Variants in MCUB observed in about 807,000 individuals in gnomAD.
MCUB encodes calcium uniporter regulatory subunit MCUb, mitochondrial.
In MCUB, 46 loss-of-function variants were observed where a neutral mutation model predicts 41.4. That is an observed-to-expected ratio of 1.11 (90% CI 0.88 to 1.42). MCUB has a LOEUF of 1.42. Among genes scored for constraint, MCUB ranks in the 40% most tolerant of loss-of-function variants. The pLI, the probability that MCUB is intolerant of heterozygous loss-of-function variation, is 0.00. For missense variants in MCUB, 403 were observed against 404.9 expected (o/e 1.00, Z 0.04); for synonymous variants, 148 against 148.2 (o/e 1.00, Z 0.01).
intron 4 of MCUB, among the ~76,000 whole-genome samples, chr4:109,678,726 C>A (rs1481215240): frequency 7.0e-6 from 1 of 143,654 alleles, no homozygotes. Context: ...CAAGCAGAGG[C>A]GCTCCCCACA....
intron 1 of MCUB, among the ~76,000 whole-genome samples, chr4:109,612,133 A>G (rs1278085536): frequency 6.6e-6 from 1 of 152,206 alleles, no homozygotes; most frequent in Non-Finnish European, 1.5e-5. Flanking sequence ...GGAAAGTCCA[A>G]CATCAAGGTG....
At chr4:109,684,238 A>G (rs996755680) in intron 5 of MCUB, among the ~76,000 whole-genome samples, 91 of 151,616 alleles carry the variant, frequency 6.0e-4, no homozygotes, top group African/African-American at 2.1e-3. Flanking sequence ...AATTTTTTGT[A>G]TTTTTAGTAG....
chr4:109,601,223 G>A (rs1561223286), intron 1 of MCUB, among the ~76,000 whole-genome samples: 1 of 152,094 alleles, frequency 6.6e-6, no homozygotes, highest in Admixed American at 6.6e-5. Flanking sequence ...CAGAGTAAAT[G>A]GGGTATCCAT....
At chr4:109,623,082 A>G (rs1350755629) in intron 1 of MCUB, among the ~76,000 whole-genome samples, 1 of 152,228 alleles carries the variant, frequency 6.6e-6, no homozygotes, top group Non-Finnish European at 1.5e-5. Context: ...CCCTGCATGA[A>G]GACGGCAAGG....
At chr4:109,567,124 T>G (rs1431062520) in intron 1 of MCUB, among the ~76,000 whole-genome samples, 1 of 105,680 alleles carries the variant, frequency 9.5e-6, no homozygotes, top group Non-Finnish European at 1.7e-5. Context: ...AGAGCGAGAC[T>G]CCATCTCAAA....
At chr4:109,576,198 TC>T (rs1466976014) in intron 1 of MCUB, among the ~76,000 whole-genome samples, 1 of 152,114 alleles carries the variant, frequency 6.6e-6, no homozygotes, top group African/African-American at 2.4e-5. Flanking sequence ...AATATAACAC[TC>T]CAGTTCCTGA....
Position 109,688,170 on chromosome 4 carries a change from C to G in MCUB, c.*578C>G. ...TGTATATAAACGATTGCTTTTGAACCTGCAAATCACAAGTTTCAGGTATCG... is the reference window on the plus strand; with the variant it reads ...TGTATATAAACGATTGCTTTTGAACGTGCAAATCACAAGTTTCAGGTATCG... On this transcript the variant is annotated 3_prime_UTR_variant, in exon 8 of 8. Coordinates refer to ENST00000394650, the MANE Select transcript of MCUB (RefSeq NM_017918.5). 1 of 152,186 alleles carries G rather than the reference C, an allele frequency of 6.6e-6. No individual in the cohort carries two copies. Among genetic ancestry groups the G allele is most frequent in the East Asian group, 1.9e-4 (1 of 5,202 alleles). The allele number at this position is 152,186 out of a possible 1,614,324, so 9.4% of individuals were successfully genotyped here.
Position 109,615,467 on chromosome 4 carries a change from G to A in MCUB, c.100-43544G>A, listed in dbSNP as rs1468401112. 3.3e-5 allele frequency among the ~76,000 whole-genome samples: 5 copies of A among 149,634 alleles called. No homozygotes were observed. In the East Asian group the frequency reaches 5.9e-4, roughly 18 times the overall value. On this transcript the variant is annotated intron_variant, in intron 1 of 7. Coordinates refer to ENST00000394650, the MANE Select transcript of MCUB (RefSeq NM_017918.5). ...AGCTCCCAGGCTGGAGTGCAGTGGTGCGATCTCGGCTCACTGCAACCTCCG... is the reference window on the plus strand; with the variant it reads ...AGCTCCCAGGCTGGAGTGCAGTGGTACGATCTCGGCTCACTGCAACCTCCG...
intron 1 of MCUB, among the ~76,000 whole-genome samples, chr4:109,627,977 A>T (rs1728397855): frequency 6.6e-6 from 1 of 152,028 alleles, no homozygotes; most frequent in Non-Finnish European, 1.5e-5. Flanking sequence ...AAGCCAATAA[A>T]AAAGGGAACA....
intron 1 of MCUB, among the ~76,000 whole-genome samples, chr4:109,619,022 A>ACGTGCCTG (rs147186680): frequency 7.4e-6 from 1 of 134,354 alleles, no homozygotes; most frequent in Non-Finnish European, 1.6e-5. Context: ...CTACCTATCT[A>ACGTGCCTG]CCTGCCTGCC....
At chr4:109,567,059 G>A (rs988878327) in intron 1 of MCUB, among the ~76,000 whole-genome samples, 9 of 148,076 alleles carry the variant, frequency 6.1e-5, no homozygotes, top group Non-Finnish European at 8.9e-5. Flanking sequence ...TTTGAGACGC[G>A]AGGCAGAGGT....
chr4:109,643,712 C>T (rs1728770260), intron 1 of MCUB, among the ~76,000 whole-genome samples: 1 of 151,936 alleles, frequency 6.6e-6, no homozygotes. Context: ...CCACGTTGGC[C>T]AGGGTGGTGT....
chr4:109,668,897 C>G (rs1425234225), intron 4 of MCUB, among the ~76,000 whole-genome samples: 1 of 151,994 alleles, frequency 6.6e-6, no homozygotes, highest in South Asian at 2.1e-4. Flanking sequence ...TGCTTCACGG[C>G]TAGTGCAAAT....
intron 1 of MCUB, among the ~76,000 whole-genome samples, chr4:109,575,426 T>TC (rs775193276): frequency 2.0e-5 from 3 of 152,372 alleles, no homozygotes; most frequent in Non-Finnish European, 4.4e-5. Context: ...AGTGTACTAC[T>TC]CATAACTGTT....
In MCUB at chr4:109,684,666, A is replaced by G. The variant is rs1307804398; in HGVS notation, c.816+20A>G. 1.7e-6 allele frequency: 2 copies of G among 1,179,374 alleles called. No individual in the cohort carries two copies. Among genetic ancestry groups the G allele is most frequent in the Non-Finnish European group, 1.3e-6 (1 of 795,030 alleles). The allele number at this position is 1,179,374 out of a possible 1,614,324, so 73.1% of individuals were successfully genotyped here. Reference sequence around the variant, plus strand: ...CGACAGGTGAGTAGTTTGTTAGGAAAATGGTAAGTTAGAACATCTTTGCAA... The same window carrying G: ...CGACAGGTGAGTAGTTTGTTAGGAAGATGGTAAGTTAGAACATCTTTGCAA... On this transcript the variant is annotated intron_variant, in intron 6 of 7. Coordinates refer to ENST00000394650, the MANE Select transcript of MCUB (RefSeq NM_017918.5).
chr4:109,583,154 G>A (rs528366358), intron 1 of MCUB, among the ~76,000 whole-genome samples: 13 of 152,130 alleles, frequency 8.5e-5, no homozygotes, highest in Admixed American at 1.3e-4. Flanking sequence ...TACCTTGGGC[G>A]GTACGGCCAT....
At chr4:109,598,222 A>G in intron 1 of MCUB, among the ~76,000 whole-genome samples, 1 of 150,706 alleles carries the variant, frequency 6.6e-6, no homozygotes, top group South Asian at 2.1e-4. Context: ...CAATCTCGGC[A>G]CTTTGGGAGG....
At chr4:109,572,980 A>T (rs953776024) in intron 1 of MCUB, among the ~76,000 whole-genome samples, 1 of 152,164 alleles carries the variant, frequency 6.6e-6, no homozygotes, top group Non-Finnish European at 1.5e-5. Context: ...GAAGTATTTA[A>T]TATTATTATT....
chr4:109,566,412 G>A (rs1272313210), intron 1 of MCUB, among the ~76,000 whole-genome samples: 2 of 151,058 alleles, frequency 1.3e-5, no homozygotes, highest in African/African-American at 4.9e-5. Context: ...AGAGCTTGTA[G>A]TGAGCCGAGA....
Sources: gnomAD v4.1 joint callset for allele counts (sites outside exome capture counted in the v4.1 genomes callset) on GRCh38, gnomAD v4.1.1 for gene constraint, MANE v1.5 for transcripts, NCBI Gene and HGNC (gene_info 2026-07-23, HGNC 2026-07-21) for gene names.